CEP70: variants seen among roughly 807,000 people sequenced by gnomAD.
CEP70 encodes centrosomal protein of 70 kDa.
In CEP70, 70 loss-of-function variants were observed where a neutral mutation model predicts 90.9. The ratio of observed to expected loss-of-function variants is 0.77; its 90% confidence interval spans 0.64 to 0.94. The LOEUF is 0.94. Among genes scored for constraint, CEP70 ranks in the 40% least tolerant of loss-of-function variants. The pLI, the probability that CEP70 is intolerant of heterozygous loss-of-function variation, is 0.00. For missense variants in CEP70, 648 were observed against 669.0 expected, an observed-to-expected ratio of 0.97 and a Z score of 0.35; for synonymous variants, 220 against 228.3, an observed-to-expected ratio of 0.96 and a Z score of 0.33.
At position 138,500,076 on chromosome 3, in the gene CEP70, T is replaced by C. The variant is rs147084266; in HGVS notation, c.1652+34A>G. ...CGTGTGCCACCACACCCAGCCATTCTGGATGATACTTTGTAAACTTTTAAA... is the reference window on the plus strand; with the variant it reads ...CGTGTGCCACCACACCCAGCCATTCCGGATGATACTTTGTAAACTTTTAAA... On this transcript the variant is annotated intron_variant, in intron 16 of 17. Coordinates refer to ENST00000264982, the MANE Select transcript of CEP70 (RefSeq NM_024491.4). The C allele has an allele frequency of 1.4e-3, 1,994 of 1,431,988 alleles. 22 individuals carry two copies. The African/African-American group carries it at 0.025, about 18-fold the overall frequency. 88.7% of individuals were successfully genotyped at this position (1,431,988 alleles called of 1,614,324 possible).
intron 6 of CEP70, among the ~76,000 whole-genome samples, chr3:138,566,314 C>T (rs1361261993): frequency 6.6e-6 from 1 of 152,160 alleles, no homozygotes; most frequent in Non-Finnish European, 1.5e-5. Context: ...TTTGACCCAG[C>T]ACTCCCATTA....
chr3:138,569,743 C>G (rs2041037392), intron 6 of CEP70, among the ~76,000 whole-genome samples: 1 of 152,182 alleles, frequency 6.6e-6, no homozygotes, highest in Non-Finnish European at 1.5e-5. Context: ...TGGCATGCGC[C>G]TGTAGTCCCA....
At chr3:138,585,536 C>T (rs1406932818) in intron 2 of CEP70, among the ~76,000 whole-genome samples, 1 of 152,028 alleles carries the variant, frequency 6.6e-6, no homozygotes, top group East Asian at 1.9e-4. Context: ...CAGAAATAGA[C>T]AAAATAATCC....
intron 11 of CEP70, among the ~76,000 whole-genome samples, chr3:138,515,467 C>CAAAAAAAA (rs145902706): frequency 3.1e-5 from 2 of 65,388 alleles, no homozygotes; most frequent in Non-Finnish European, 5.7e-5. Context: ...CATAGAAATG[C>CAAAAAAAA]AAAAAAAAAA....
At chr3:138,545,353 A>G (rs1169839182) in intron 6 of CEP70, among the ~76,000 whole-genome samples, 1 of 152,210 alleles carries the variant, frequency 6.6e-6, no homozygotes, top group Non-Finnish European at 1.5e-5. Flanking sequence ...TTTCATGGAC[A>G]TTTATCAGTT....
At chr3:138,555,256 A>AAAAG (rs1346123014) in intron 6 of CEP70, among the ~76,000 whole-genome samples, 4 of 151,852 alleles carry the variant, frequency 2.6e-5, no homozygotes, top group Admixed American at 2.6e-4. Context: ...CTCAAAAAAA[A>AAAAG]AAAAAATCAA....
chr3:138,548,934 C>A (rs1175273860), intron 6 of CEP70, among the ~76,000 whole-genome samples: 1 of 152,188 alleles, frequency 6.6e-6, no homozygotes, highest in Admixed American at 6.5e-5. Flanking sequence ...AATACATACC[C>A]TCACTGGGGA....
intron 6 of CEP70, among the ~76,000 whole-genome samples, chr3:138,538,609 A>T (rs915619086): frequency 1.3e-5 from 2 of 152,236 alleles, no homozygotes; most frequent in African/African-American, 2.4e-5. Context: ...ACATAGATAT[A>T]TGTCCACAAG....
At position 138,537,362 on chromosome 3, in the gene CEP70, T is replaced by C; in HGVS notation, c.466-15A>G. On this transcript the variant is annotated splice_polypyrimidine_tract_variant and intron_variant, in intron 6 of 17. Transcript: ENST00000264982. ...TGGCACTTCACCTATAAGATATTTTTTAAAAACATGATTATGATATGTACA... is the reference window on the plus strand; with the variant it reads ...TGGCACTTCACCTATAAGATATTTTCTAAAAACATGATTATGATATGTACA... 5 of 1,543,298 alleles carry C rather than the reference T, an allele frequency of 3.2e-6. No individual in the cohort carries two copies. Among genetic ancestry groups the C allele is most frequent in the Non-Finnish European group, 4.4e-6 (5 of 1,142,174 alleles).
chr3:138,529,611 A>G, intron 8 of CEP70, 149 bp from the exon 9 acceptor site: 1 of 612,094 alleles, frequency 1.6e-6, no homozygotes, highest in South Asian at 2.1e-5. Context: ...ATGGTATTAG[A>G]ACACTACTAC....
rs751232055 is a variant in CEP70 at position 138,508,736 on chromosome 3, AT to A, written c.945-193del. On this transcript the variant is annotated intron_variant, in intron 11 of 17. Coordinates refer to ENST00000264982, the MANE Select transcript of CEP70 (RefSeq NM_024491.4). ...ATATGCATATATAGAGTTAAAAAAA[AT>A]TTTTTTTTTTTTTTGAGACAGAATC... is the stretch of plus-strand genomic sequence containing the variant. Among the ~76,000 whole-genome samples the A allele has an allele frequency of 7.8e-3, 1,123 of 144,134 alleles. 3 individuals are homozygous for A. Among genetic ancestry groups the A allele is most frequent in the African/African-American group, 0.019 (769 of 39,550 alleles). 94.6% of individuals were successfully genotyped at this position (144,134 alleles called of 152,430 possible).
intron 11 of CEP70, among the ~76,000 whole-genome samples, chr3:138,519,581 T>C (rs2036402577): frequency 6.6e-6 from 1 of 152,148 alleles, no homozygotes; most frequent in African/African-American, 2.4e-5. Flanking sequence ...CCAGCCAAAC[T>C]AAGCTTCATA....
chr3:138,570,462 A>G lies in CEP70; in HGVS notation c.321T>C (p.Asn107=). The G allele has an allele frequency of 6.2e-7, 1 of 1,608,556 alleles. No homozygotes were observed. Among genetic ancestry groups the G allele is most frequent in the Non-Finnish European group, 8.5e-7 (1 of 1,178,390 alleles). Residue 107 remains asparagine, a synonymous_variant, in exon 6 of 18, where the codon AAT becomes AAC. Transcript: ENST00000264982. Reference sequence around the variant, plus strand: ...CCAAGTCATTAGCTCGTTGTTCTTGATTGGCTGCTCGGCTTTGCTCTAGCT... The same window carrying G: ...CCAAGTCATTAGCTCGTTGTTCTTGGTTGGCTGCTCGGCTTTGCTCTAGCT... ...ELQLEQSRAA[N]QEQRANDLEQ... is the part of the protein sequence containing the mutation.
intron 5 of CEP70, 58 bp downstream of exon 5, chr3:138,570,976 G>A (rs1392077585): frequency 2.8e-5 from 37 of 1,334,330 alleles, no homozygotes; most frequent in Non-Finnish European, 3.4e-5. Flanking sequence ...TTTTTTCAAG[G>A]CAGTTATTTT....
chr3:138,586,414 G>C (rs1355771531), intron 2 of CEP70, among the ~76,000 whole-genome samples: 1 of 152,108 alleles, frequency 6.6e-6, no homozygotes, highest in African/African-American at 2.4e-5. Flanking sequence ...GCCAAGATTT[G>C]GAAGCAACCC....
At chr3:138,550,845 G>T (rs1031398570) in intron 6 of CEP70, among the ~76,000 whole-genome samples, 2 of 152,166 alleles carry the variant, frequency 1.3e-5, no homozygotes, top group African/African-American at 4.8e-5. Context: ...AAAAGAAAAT[G>T]AACAAAGTCT....
intron 6 of CEP70, among the ~76,000 whole-genome samples, chr3:138,541,430 G>GAAAAAA (rs36091559): frequency 6.9e-6 from 1 of 144,478 alleles, no homozygotes; most frequent in Non-Finnish European, 1.5e-5. Flanking sequence ...AAAAGAAAAA[G>GAAAAAA]AAAAAAAAAA....
intron 11 of CEP70, among the ~76,000 whole-genome samples, chr3:138,514,034 T>A (rs771542711): frequency 5.9e-5 from 9 of 152,122 alleles, no homozygotes; most frequent in Non-Finnish European, 1.3e-4. Context: ...TCTTGTAGCA[T>A]TTCCTTTAGA....
At chr3:138,579,013 C>A (rs982122706) in intron 2 of CEP70, among the ~76,000 whole-genome samples, 2 of 152,226 alleles carry the variant, frequency 1.3e-5, no homozygotes, top group African/African-American at 4.8e-5. Context: ...CAATACCATT[C>A]TCCCCCAATC....
Sources: gnomAD v4.1 joint callset for allele counts (sites outside exome capture counted in the v4.1 genomes callset) on GRCh38, gnomAD v4.1.1 for gene constraint, MANE v1.5 for transcripts, NCBI Gene and HGNC (gene_info 2026-07-23, HGNC 2026-07-21) for gene names.